The following CDON variants were observed in gnomAD, a reference collection of about 807,000 sequenced individuals.
CDON encodes cell adhesion associated, oncogene regulated.
In CDON, 73 loss-of-function variants were observed where a neutral mutation model predicts 120.9. The observed-to-expected ratio is 0.60, with a 90% CI of 0.50 to 0.73. CDON has a LOEUF of 0.73. CDON is among the 30% of genes least tolerant of loss of function. The pLI is 0.00. For synonymous variants in CDON, 566 were observed against 573.5 expected (o/e 0.99, Z 0.19); for missense variants, 1,470 against 1,587.3 (o/e 0.93, Z 1.26).
intron 1 of CDON, among the ~76,000 whole-genome samples, chr11:126,030,321 A>C (rs1947909904): frequency 6.6e-6 from 1 of 152,184 alleles, no homozygotes; most frequent in Admixed American, 6.5e-5. Context: ...TCTTTCCTGA[A>C]TTTCTAGATT....
At chr11:125,981,984 T>C (rs1349564149) in intron 16 of CDON, among the ~76,000 whole-genome samples, 1 of 119,382 alleles carries the variant, frequency 8.4e-6, no homozygotes, top group Non-Finnish European at 1.7e-5. Context: ...TTTTTTTTTT[T>C]TTTTTTTTTT....
At position 126,017,242 on chromosome 11, in the gene CDON, G is replaced by A. The variant is rs777623487; in HGVS notation, c.774C>T (p.Asp258=). 18 of 1,613,886 alleles carry A rather than the reference G, an allele frequency of 1.1e-5. No individual in the cohort carries two copies. Among genetic ancestry groups the A allele is most frequent in the African/African-American group, 2.7e-5 (2 of 74,828 alleles). ...TGCTTCCTGGTGCAATGTCCTGCCC[G>A]TCCTTTAGCCAATACACTTGAGGAG... ...VPAPQVYWLK[D]GQDIAPGSNW... is the part of the protein sequence containing the mutation. Residue 258 remains aspartate (D), a synonymous_variant, in exon 6 of 20, where the codon GAC becomes GAT. Transcript: ENST00000531738.
At chr11:125,983,730 C>CAGGGAG (rs2134457090) in intron 16 of CDON, 142 bp downstream of exon 16, 1 of 720,540 alleles carries the variant, frequency 1.4e-6, no homozygotes, top group Non-Finnish European at 2.4e-6. Context: ...GTTTTAAAGT[C>CAGGGAG]ATCTCCTCTG....
At chr11:126,025,449 G>C (rs555956266) in intron 1 of CDON, among the ~76,000 whole-genome samples, 1 of 152,176 alleles carries the variant, frequency 6.6e-6, no homozygotes, top group Admixed American at 6.5e-5. Context: ...TTCCTTCCAG[G>C]GTTCTGCTAT....
At position 125,971,962 on chromosome 11, in the gene CDON, T is replaced by C. The variant is rs183868434; in HGVS notation, c.3356+6342A>G. ...AATTCAGGAGAAGAGAAGAGAAGGG[T>C]AGAAAGCTTTCGATGTTTTTTGATT... On this transcript the variant is annotated intron_variant, in intron 18 of 19. Coordinates refer to ENST00000531738, the MANE Select transcript of CDON (RefSeq NM_001378964.1). Among the ~76,000 whole-genome samples, 349 of 152,264 alleles carry C rather than the reference T, an allele frequency of 2.3e-3. 2 individuals are homozygous for C. The highest frequency in any genetic ancestry group is 4.2e-3 in the Non-Finnish European group (283 of 68,018).
chr11:125,993,841 T>C (rs746494609), intron 14 of CDON, among the ~76,000 whole-genome samples: 5 of 152,244 alleles, frequency 3.3e-5, no homozygotes, highest in Non-Finnish European at 7.3e-5. Flanking sequence ...ATTTTAGCTG[T>C]TTTCTTTCTT....
intron 18 of CDON, among the ~76,000 whole-genome samples, chr11:125,967,627 C>T (rs1172786828): frequency 1.3e-5 from 2 of 152,158 alleles, no homozygotes; most frequent in African/African-American, 4.8e-5. Context: ...CTGCAAGAAT[C>T]TGGAGGTAAT....
chr11:125,996,859 A>G (rs1946801976), intron 12 of CDON, among the ~76,000 whole-genome samples: 1 of 151,488 alleles, frequency 6.6e-6, no homozygotes, highest in Admixed American at 6.6e-5. Flanking sequence ...TAACAATTCG[A>G]AAAAAAATAT....
chr11:126,019,880 C>A, intron 3 of CDON, 115 bp from the exon 4 acceptor site: 1 of 898,166 alleles, frequency 1.1e-6, no homozygotes, highest in Non-Finnish European at 1.8e-6. Flanking sequence ...TGGCAGCTGA[C>A]CCCAGTCCAG....
chr11:125,985,869 A>G (rs546670), intron 15 of CDON, among the ~76,000 whole-genome samples: 85,459 of 150,092 alleles, frequency 0.57, 24,834 homozygotes, highest in South Asian at 0.62. Context: ...CTGTTGGTGG[A>G]AGTGTAAACT....
At chr11:125,981,701 T>A (rs1252165678) in intron 16 of CDON, among the ~76,000 whole-genome samples, 1 of 152,044 alleles carries the variant, frequency 6.6e-6, no homozygotes, top group Non-Finnish European at 1.5e-5. Context: ...AATGAATATA[T>A]TGGGCAAGCT....
chr11:126,052,160 C>T (rs1458643866), intron 1 of CDON, among the ~76,000 whole-genome samples: 1 of 152,082 alleles, frequency 6.6e-6, no homozygotes, highest in Non-Finnish European at 1.5e-5. Flanking sequence ...GAAAATTATA[C>T]AAAAGACCTA....
chr11:126,017,837 A>G (rs1050831047), intron 5 of CDON, among the ~76,000 whole-genome samples: 1 of 152,102 alleles, frequency 6.6e-6, no homozygotes, highest in African/African-American at 2.4e-5. Flanking sequence ...CACCTTGGCC[A>G]AAATTCCCTT....
intron 18 of CDON, among the ~76,000 whole-genome samples, chr11:125,977,198 C>G (rs558327434): frequency 6.6e-6 from 1 of 152,162 alleles, no homozygotes; most frequent in Non-Finnish European, 1.5e-5. Context: ...AATTTAAATA[C>G]GTAACAAGCA....
At position 125,959,536 on chromosome 11, in the gene CDON, C is replaced by T. The variant is rs1945580582; in HGVS notation, c.*1406G>A. On this transcript the variant is annotated 3_prime_UTR_variant, in exon 20 of 20. Coordinates refer to ENST00000531738, the MANE Select transcript of CDON (RefSeq NM_001378964.1). ...CTGCTGACCAACTTGGCTTTAGGTG[C>T]CTATTTACAAGGGTGACATTCTGAA... 1 of 151,810 alleles carries T rather than the reference C, an allele frequency of 6.6e-6. No individual in the cohort carries two copies. Among genetic ancestry groups the T allele is most frequent in the African/African-American group, 2.4e-5 (1 of 41,252 alleles). 9.4% of individuals were successfully genotyped at this position (151,810 alleles called of 1,614,324 possible).
At chr11:126,009,745 G>A (rs1947236797) in intron 8 of CDON, among the ~76,000 whole-genome samples, 1 of 152,076 alleles carries the variant, frequency 6.6e-6, no homozygotes, top group African/African-American at 2.4e-5. Flanking sequence ...ACTGATGGAA[G>A]GTCTGAATTT....
chr11:125,996,699 C>CAA (rs71048761), intron 12 of CDON, among the ~76,000 whole-genome samples: 900 of 52,998 alleles, frequency 0.017, 25 homozygotes, highest in East Asian at 0.024. Flanking sequence ...GACTCCATCT[C>CAA]AAAAAAAAAA....
rs528878915 is a variant in CDON, at chr11:126,042,884, A to G, written c.-61-19347T>C. Among the ~76,000 whole-genome samples the G allele has an allele frequency of 2.6e-5, 4 of 152,214 alleles. No individual in the cohort carries two copies. In the South Asian group the frequency reaches 8.3e-4, roughly 32 times the overall value. On this transcript the variant is annotated intron_variant, in intron 1 of 19. Coordinates refer to ENST00000531738, the MANE Select transcript of CDON (RefSeq NM_001378964.1). ...GCAATCCACCTGCCTCGGCCTCCCA[A>G]AGTGCTAGGATTACAGGCGTGAGCC...
chr11:125,977,454 T>C (rs1946179363), intron 18 of CDON, among the ~76,000 whole-genome samples: 1 of 152,198 alleles, frequency 6.6e-6, no homozygotes. Flanking sequence ...TCAAACATCA[T>C]TTCAATAATA....
Sources: gnomAD v4.1 joint callset for allele counts (sites outside exome capture counted in the v4.1 genomes callset) on GRCh38, gnomAD v4.1.1 for gene constraint, MANE v1.5 for transcripts, NCBI Gene and HGNC (gene_info 2026-07-23, HGNC 2026-07-21) for gene names.